TMPRSS5: variants seen among roughly 807,000 people sequenced by gnomAD.
TMPRSS5 encodes the protein transmembrane protease serine 5.
In TMPRSS5, 45 loss-of-function variants were observed where a neutral mutation model predicts 59.7. The observed-to-expected ratio is 0.75, with a 90% CI of 0.59 to 0.97. The LOEUF is 0.97. Among genes scored for constraint, TMPRSS5 ranks in the 50% least tolerant of loss-of-function variants. TMPRSS5 has a pLI of 0.00. For synonymous variants in TMPRSS5, 225 were observed against 232.0 expected, an observed-to-expected ratio of 0.97 and a Z score of 0.27; for missense variants, 585 against 596.7, an observed-to-expected ratio of 0.98 and a Z score of 0.20.
rs770806562 is a variant in TMPRSS5, at chr11:113,696,869, C to T, written c.567G>A (p.Ala189=). ...CTCAGTAGTCCTACCTGGGCTGCCA[C>T]GCCTCCTCCAGGAAGCCTCCCAGTC... ...SPRLGGFLEE[A]WQPRNNCTSG... The change falls in exon 6 of 13, where the codon GCG becomes GCA. Residue 189 remains alanine (A), a synonymous_variant. Transcript: ENST00000299882. The T allele has an allele frequency of 2.5e-5, 39 of 1,563,414 alleles. No individual in the cohort carries two copies. Among genetic ancestry groups the T allele is most frequent in the African/African-American group, 2.4e-4 (18 of 73,636 alleles).
rs1483727516 is a variant in TMPRSS5 at position 113,689,888 on chromosome 11, T to C, written c.1236A>G (p.Pro412=). Residue 412 remains proline, a synonymous_variant, in exon 12 of 13, where the codon CCA becomes CCG. Transcript: ENST00000299882. ...CCACTAGGCGCCATGTGTCCCCATC[T>C]GGGCACACTAGGGGGCCCCCGCTAT... ...QGDSGGPLVC[P]DGDTWRLVGV... 1 of 1,571,392 alleles carries C rather than the reference T, an allele frequency of 6.4e-7. No individual in the cohort carries two copies. The highest frequency in any genetic ancestry group is 1.9e-5 in the Admixed American group (1 of 53,554).
chr11:113,694,291 A>G, intron 8 of TMPRSS5, 187 bp downstream of exon 8: 1 of 450,176 alleles, frequency 2.2e-6, no homozygotes, highest in Non-Finnish European at 3.9e-6. Context: ...AAATCTTCAT[A>G]TTATTACTGT....
intron 8 of TMPRSS5, 45 bp from the exon 9 acceptor site, chr11:113,693,294 A>G: frequency 6.8e-7 from 1 of 1,462,594 alleles, no homozygotes; most frequent in Non-Finnish European, 9.0e-7. Context: ...GGGGCAGAAG[A>G]GGTGTTCCTA....
At position 113,689,960 on chromosome 11, in the gene TMPRSS5, G is replaced by A; in HGVS notation, c.1207-43C>T. ...GGAGACACAGAGAAACAGCCAGTTAGTTCTTCCTGATGGAGAGCACCAGAC... is the reference window on the plus strand; with the variant it reads ...GGAGACACAGAGAAACAGCCAGTTAATTCTTCCTGATGGAGAGCACCAGAC... On this transcript the variant is annotated intron_variant, in intron 11 of 12. Transcript: ENST00000299882. 3 of 1,499,908 alleles carry A rather than the reference G, an allele frequency of 2.0e-6. No individual in the cohort carries two copies. In the South Asian group the frequency reaches 3.9e-5, roughly 20 times the overall value. 92.9% of individuals were successfully genotyped at this position (1,499,908 alleles called of 1,614,324 possible). A position where few individuals can be genotyped will look rare whatever the true frequency, so the allele number is the denominator to read the frequency against.
At position 113,695,622 on chromosome 11, in the gene TMPRSS5, C is replaced by T. The variant is rs543068819; in HGVS notation, c.579-179G>A. ...TCCTGCCCCCACCCAAACACTCAGA[C>T]CCCTCCTCATCAGTGGTCCCCAGGA... is the stretch of plus-strand genomic sequence containing the variant. On this transcript the variant is annotated intron_variant, in intron 6 of 12. Coordinates refer to ENST00000299882, the MANE Select transcript of TMPRSS5 (RefSeq NM_030770.4). 2.6e-5 allele frequency among the ~76,000 whole-genome samples: 4 copies of T among 152,288 alleles called. No homozygotes were observed. The South Asian group carries it at 8.3e-4, about 32-fold the overall frequency.
Position 113,688,047 on chromosome 11 carries a change from T to G in TMPRSS5, c.*213A>C. 5.1e-5 allele frequency: 33 copies of G among 649,226 alleles called. No individual in the cohort carries two copies. The highest frequency in any genetic ancestry group is 6.4e-5 in the Non-Finnish European group (28 of 439,980). The allele number at this position is 649,226 out of a possible 1,614,324, so 40.2% of individuals were successfully genotyped here. A position where few individuals can be genotyped will look rare whatever the true frequency, so the allele number is the denominator to read the frequency against. ...CTCTCTTCTGTCATTGAGTCTCTAG[T>G]GAGAAAGAGGACTCTGAAATCAGGG... On this transcript the variant is annotated 3_prime_UTR_variant, in exon 13 of 13. Coordinates refer to ENST00000299882, the MANE Select transcript of TMPRSS5 (RefSeq NM_030770.4).
At chr11:113,690,723 G>T (rs1952752477) in intron 10 of TMPRSS5, 118 bp downstream of exon 10, 2 of 987,660 alleles carry the variant, frequency 2.0e-6, no homozygotes, top group Non-Finnish European at 3.1e-6. Flanking sequence ...CAAGGGTGAT[G>T]CCAGGGAAAA....
At chr11:113,691,905 TGAGACGGAGTCTTGC>T (rs1565256126) in intron 9 of TMPRSS5, among the ~76,000 whole-genome samples, 3 of 147,602 alleles carry the variant, frequency 2.0e-5, no homozygotes, top group Non-Finnish European at 4.5e-5. Context: ...TTTTTTTTTT[TGAGACGGAGTCTTGC>T]TTTGTCACCC....
chr11:113,702,164 C>T (rs1254650050), intron 1 of TMPRSS5, among the ~76,000 whole-genome samples: 2 of 152,134 alleles, frequency 1.3e-5, no homozygotes, highest in East Asian at 3.8e-4. Flanking sequence ...GTATATGTGC[C>T]ACATTTTCTT....
In TMPRSS5 at chr11:113,688,029, C is replaced by A; in HGVS notation, c.*231G>T. 1.9e-6 allele frequency: 1 copy of A among 533,534 alleles called. No homozygotes were observed. The highest frequency in any genetic ancestry group is 2.9e-6 in the Non-Finnish European group (1 of 343,932). 33.0% of individuals were successfully genotyped at this position (533,534 alleles called of 1,614,324 possible). On this transcript the variant is annotated 3_prime_UTR_variant, in exon 13 of 13. Transcript: ENST00000299882. ...GCCCAACCAAGTCCCAGCCTCTCTTCTGTCATTGAGTCTCTAGTGAGAAAG... is the reference window on the plus strand; with the variant it reads ...GCCCAACCAAGTCCCAGCCTCTCTTATGTCATTGAGTCTCTAGTGAGAAAG...
intron 1 of TMPRSS5, among the ~76,000 whole-genome samples, chr11:113,703,040 G>A (rs1430527617): frequency 1.3e-5 from 2 of 152,228 alleles, no homozygotes; most frequent in African/African-American, 4.8e-5. Context: ...TAGTGGAGCT[G>A]TGAAAAGAAG....
In TMPRSS5 at chr11:113,690,336, G is replaced by A. The variant is rs1467565201; in HGVS notation, c.1101C>T (p.Pro367=). 7 of 1,604,546 alleles carry A rather than the reference G, an allele frequency of 4.4e-6. No homozygotes were observed. The Admixed American group carries it at 1.2e-4, about 27-fold the overall frequency. The change falls in exon 11 of 13, where the codon CCC becomes CCT. Residue 367 remains proline (P), a synonymous_variant. Transcript: ENST00000299882. ...SSDMLQDTVV[P]LFSTQLCNSS... ...TGTTGCAGAGCTGAGTGCTGAACAA[G>A]GGCACCACCGTGTCCTGGAGCATAT...
In TMPRSS5 at chr11:113,688,106, G is replaced by A. The variant is rs139161036; in HGVS notation, c.*154C>T. 1.9e-4 allele frequency: 239 copies of A among 1,258,722 alleles called. No individual in the cohort carries two copies. The highest frequency in any genetic ancestry group is 5.7e-4 in the Middle Eastern group (2 of 3,480). The allele number at this position is 1,258,722 out of a possible 1,614,324, so 78.0% of individuals were successfully genotyped here. Reference sequence around the variant, plus strand: ...GAGAGACCTGTTGGCTGGGTGGCTGGCCAGTGGGTAGTGACTGTTCCTCAC... The same window carrying A: ...GAGAGACCTGTTGGCTGGGTGGCTGACCAGTGGGTAGTGACTGTTCCTCAC... On this transcript the variant is annotated 3_prime_UTR_variant, in exon 13 of 13. Coordinates refer to ENST00000299882, the MANE Select transcript of TMPRSS5 (RefSeq NM_030770.4).
intron 4 of TMPRSS5, 133 bp from the exon 5 acceptor site, chr11:113,697,551 C>T (rs1952965921): frequency 9.6e-7 from 1 of 1,037,692 alleles, no homozygotes; most frequent in East Asian, 2.6e-5. Context: ...GTGCCAAGTT[C>T]CCTGCTCCCC....
Position 113,689,772 on chromosome 11 carries a change from G to A in TMPRSS5, c.1352C>T (p.Thr451Ile), listed in dbSNP as rs1471425885. The A allele has an allele frequency of 4.3e-6, 7 of 1,610,448 alleles. No individual in the cohort carries two copies. Among genetic ancestry groups the A allele is most frequent in the Non-Finnish European group, 5.9e-6 (7 of 1,178,682 alleles). Reference protein sequence around the residue: ...VAEFLDWIHDTAQDSLL With the variant: ...VAEFLDWIHDIAQDSLL ...TCCTGCCCCCACACTCACCTGAGCA[G>A]TGTCATGGATCCAGTCCAGAAACTC... The change falls in exon 12 of 13, where the codon ACT (threonine) becomes ATT (isoleucine). Residue 451 changes from threonine to isoleucine, a missense_variant. Thr to Ile is a moderately conservative substitution (Grantham distance 89). Transcript: ENST00000299882.
intron 1 of TMPRSS5, among the ~76,000 whole-genome samples, chr11:113,701,452 C>T (rs1399163116): frequency 6.6e-6 from 1 of 151,168 alleles, no homozygotes; most frequent in Non-Finnish European, 1.5e-5. Flanking sequence ...TTGCCCCTGC[C>T]CTAGAGATCT....
At chr11:113,691,043 C>T (rs1952766648) in intron 9 of TMPRSS5, 104 bp from the exon 10 acceptor site, 1 of 1,076,042 alleles carries the variant, frequency 9.3e-7, no homozygotes, top group Non-Finnish European at 1.4e-6. Context: ...CAGCCCCCTT[C>T]TCAAACAGTC....
rs11214706 is a variant in TMPRSS5 at position 113,692,837 on chromosome 11, C to A, written c.964+234G>T. On this transcript the variant is annotated intron_variant, in intron 9 of 12. Coordinates refer to ENST00000299882, the MANE Select transcript of TMPRSS5 (RefSeq NM_030770.4). ...AGACCTCAAGGCAAAGCCCACCTGC[C>A]CCCTAGCCATGAAATGGGTCTGAAC... Among the ~76,000 whole-genome samples, 67,685 of 151,700 alleles carry A rather than the reference C, an allele frequency of 0.45. 15,785 individuals carry two copies. The highest frequency in any genetic ancestry group is 0.54 in the Middle Eastern group (155 of 288).
rs375849578 is a variant in TMPRSS5 at position 113,694,581 on chromosome 11, G to T, written c.682C>A (p.Arg228Ser). ...IVGGQSVAPG[R>S]WPWQASVALG... is the part of the protein sequence containing the mutation. ...GCCACGCTGGCCTGCCACGGCCAGC[G>T]CCCAGGAGCCACAGACTGCCCACCA... Residue 228 changes from arginine (R) to serine (S), a missense_variant, in exon 8 of 13, where the codon CGC becomes AGC. By Grantham distance (110) the Arg-to-Ser change is moderately radical (BLOSUM62 -1). Coordinates refer to ENST00000299882, the MANE Select transcript of TMPRSS5 (RefSeq NM_030770.4). The T allele has an allele frequency of 6.4e-7, 1 of 1,556,262 alleles. No homozygotes were observed. The highest frequency in any genetic ancestry group is 2.4e-5 in the East Asian group (1 of 41,210).
Sources: allele counts gnomAD v4.1 joint callset (sites outside exome capture counted in the v4.1 genomes callset), GRCh38; gene constraint gnomAD v4.1.1; transcripts MANE v1.5; gene names NCBI Gene and HGNC (gene_info 2026-07-23, HGNC 2026-07-21).